The following LAMA2 variants were observed in gnomAD, a reference collection of about 807,000 sequenced individuals.
LAMA2 encodes the protein laminin subunit alpha-2.
In LAMA2, 269 loss-of-function variants were observed where a neutral mutation model predicts 364.8. The ratio of observed to expected loss-of-function variants is 0.74; its 90% CI spans 0.67 to 0.82. The LOEUF is 0.82. Among genes scored for constraint, LAMA2 ranks in the 40% least tolerant of loss-of-function variants. The pLI, the probability that LAMA2 is intolerant of heterozygous loss-of-function variation, is 0.00. For missense variants in LAMA2, 3,807 were observed against 3,873.2 expected (o/e 0.98, Z 0.45); for synonymous variants, 1,379 against 1,370.6 (o/e 1.01, Z -0.14).
chr6:129,028,939 C>G (rs1384618184), intron 1 of LAMA2, among the ~76,000 whole-genome samples: 1 of 151,840 alleles, frequency 6.6e-6, no homozygotes, highest in Non-Finnish European at 1.5e-5. Flanking sequence ...AAATGACTAG[C>G]CTTTGGCTGT....
At chr6:129,163,093 T>A (rs980968495) in intron 8 of LAMA2, among the ~76,000 whole-genome samples, 1 of 152,162 alleles carries the variant, frequency 6.6e-6, no homozygotes, top group Non-Finnish European at 1.5e-5. Flanking sequence ...TTAGGAAATT[T>A]TAGGCTATTT....
chr6:128,884,748 T>G (rs556685954), intron 1 of LAMA2, among the ~76,000 whole-genome samples: 145 of 152,324 alleles, frequency 9.5e-4, no homozygotes, highest in Non-Finnish European at 1.7e-3. Context: ...TTAAAAATTC[T>G]ACTTTTAACT....
At chr6:129,391,799 C>G in intron 36 of LAMA2, 146 bp downstream of exon 36, 1 of 642,352 alleles carries the variant, frequency 1.6e-6, no homozygotes, top group Non-Finnish European at 2.7e-6. Flanking sequence ...TATCATCTAT[C>G]TATCTATCTA....
intron 1 of LAMA2, among the ~76,000 whole-genome samples, chr6:128,972,247 T>C (rs1181319829): frequency 6.6e-6 from 1 of 152,254 alleles, no homozygotes; most frequent in Admixed American, 6.5e-5. Flanking sequence ...TTCTATTCAC[T>C]GTCTCACAGA....
At chr6:129,357,941 C>T (rs1231348656) in intron 32 of LAMA2, among the ~76,000 whole-genome samples, 1 of 151,924 alleles carries the variant, frequency 6.6e-6, no homozygotes, top group Admixed American at 6.6e-5. Flanking sequence ...AGTTGATCTC[C>T]AGATGCTGAT....
At chr6:129,433,777 G>T (rs9388706) in intron 41 of LAMA2, among the ~76,000 whole-genome samples, 73,756 of 151,762 alleles carry the variant, frequency 0.49, 18,290 homozygotes, top group African/African-American at 0.58. Context: ...AAATAAAAAA[G>T]GAATAAAGTC....
intron 1 of LAMA2, among the ~76,000 whole-genome samples, chr6:128,917,839 TA>T (rs1206620052): frequency 6.6e-6 from 1 of 150,858 alleles, no homozygotes; most frequent in Non-Finnish European, 1.5e-5. Context: ...TTTCAAGTGA[TA>T]CTCCCACTTC....
intron 1 of LAMA2, among the ~76,000 whole-genome samples, chr6:128,891,706 A>G (rs1273686621): frequency 6.6e-6 from 1 of 152,070 alleles, no homozygotes; most frequent in African/African-American, 2.4e-5. Flanking sequence ...TTCAGTTGAG[A>G]CTGTTTGTGA....
intron 27 of LAMA2, among the ~76,000 whole-genome samples, chr6:129,316,545 G>A (rs2114504294): frequency 1.3e-5 from 2 of 152,286 alleles, no homozygotes; most frequent in South Asian, 4.1e-4. Context: ...ACCAGGCAGG[G>A]CCAAGTTGGT....
At chr6:129,198,607 T>G (rs1303621950) in intron 12 of LAMA2, among the ~76,000 whole-genome samples, 1 of 152,124 alleles carries the variant, frequency 6.6e-6, no homozygotes, top group Non-Finnish European at 1.5e-5. Flanking sequence ...TCTGGCAAGA[T>G]TAATCAAGCA....
At chr6:129,179,116 T>C (rs1780782730) in intron 10 of LAMA2, among the ~76,000 whole-genome samples, 1 of 152,052 alleles carries the variant, frequency 6.6e-6, no homozygotes, top group Non-Finnish European at 1.5e-5. Context: ...TAGCAGTGTG[T>C]GAGTGATTGC....
At chr6:129,448,606 G>T (rs931742324) in intron 45 of LAMA2, among the ~76,000 whole-genome samples, 2 of 152,116 alleles carry the variant, frequency 1.3e-5, no homozygotes, top group Non-Finnish European at 2.9e-5. Flanking sequence ...CTGAAATTGA[G>T]TGGCTGATAC....
intron 4 of LAMA2, among the ~76,000 whole-genome samples, chr6:129,135,469 G>C (rs1278777766): frequency 2.6e-5 from 4 of 152,182 alleles, no homozygotes; most frequent in African/African-American, 4.8e-5. Flanking sequence ...TCTTATATGA[G>C]TTCATACATA....
chr6:129,102,367 C>T (rs1190697525), intron 4 of LAMA2, among the ~76,000 whole-genome samples: 2 of 151,942 alleles, frequency 1.3e-5, no homozygotes, highest in Non-Finnish European at 2.9e-5. Flanking sequence ...GATCTCTTGA[C>T]CTCATGATCT....
chr6:129,244,363 G>A (rs909775772), intron 12 of LAMA2, among the ~76,000 whole-genome samples: 2 of 152,074 alleles, frequency 1.3e-5, no homozygotes, highest in African/African-American at 4.8e-5. Context: ...ACACTTCTAT[G>A]GGAGGGATAC....
intron 2 of LAMA2, among the ~76,000 whole-genome samples, chr6:129,058,597 T>G (rs1788654539): frequency 6.6e-6 from 1 of 152,168 alleles, no homozygotes; most frequent in African/African-American, 2.4e-5. Flanking sequence ...AACAGACAAA[T>G]GCCGGATGAG....
intron 50 of LAMA2, 39 bp from the exon 51 acceptor site, chr6:129,465,106 G>T: frequency 6.4e-7 from 1 of 1,550,820 alleles, no homozygotes. Context: ...ATACTTCTCT[G>T]TGTATCTAAC....
chr6:129,369,247 C>T (rs1282244219), intron 33 of LAMA2, among the ~76,000 whole-genome samples: 5 of 152,222 alleles, frequency 3.3e-5, no homozygotes, highest in South Asian at 2.1e-4. Context: ...GTTTTGTCTG[C>T]GCTTAGACAT....
rs564098225 is a variant in LAMA2 at position 129,512,429 on chromosome 6, G to A, written c.8924G>A (p.Gly2975Glu). 2 of 1,613,380 alleles carry A rather than the reference G, an allele frequency of 1.2e-6. No homozygotes were observed. Among genetic ancestry groups the A allele is most frequent in the African/African-American group, 1.3e-5 (1 of 75,010 alleles). ...GAATTCCGCACAACTACAACGACTG[G>A]AGTTCTTCTGGGGATCAGTAGTCAA... The part of the protein sequence containing the change: ...EFEFRTTTTT[G>E]VLLGISSQKM... The change falls in exon 63 of 65, where the codon GGA becomes GAA. Residue 2975 changes from glycine to glutamate, a missense_variant. Around this residue, in one of 3 missense-constraint regions of LAMA2, gnomAD observed 3,333 missense variants for 3,345.7 expected, o/e 1.00. Coordinates refer to ENST00000421865, the MANE Select transcript of LAMA2 (RefSeq NM_000426.4).
Sources: allele counts gnomAD v4.1 joint callset (sites outside exome capture counted in the v4.1 genomes callset), GRCh38; gene constraint gnomAD v4.1.1; regional missense constraint gnomAD v4.1.1; transcripts MANE v1.5; gene names NCBI Gene and HGNC (gene_info 2026-07-23, HGNC 2026-07-21).